PLCD4: variants seen among roughly 807,000 people sequenced by gnomAD.
PLCD4 encodes phospholipase C delta 4.
A neutral mutation model predicts 90.2 loss-of-function variants in PLCD4; 63 were observed. The ratio of observed to expected loss-of-function variants is 0.70; its 90% CI spans 0.57 to 0.86. PLCD4 has a LOEUF of 0.86. PLCD4 is among the 40% of genes least tolerant of loss of function. PLCD4 has a pLI of 0.00. For synonymous variants in PLCD4, 294 were observed against 356.5 expected (o/e 0.82, Z 1.97); for missense variants, 830 against 956.3 (o/e 0.87, Z 1.74).
intron 6 of PLCD4, among the ~76,000 whole-genome samples, chr2:218,627,495 T>C (rs1463496456): frequency 6.6e-6 from 1 of 151,910 alleles, no homozygotes; most frequent in Non-Finnish European, 1.5e-5. Flanking sequence ...GGAAGTTCTA[T>C]TGGATAGCAC....
chr2:218,613,141 G>A (rs1178733677), intron 1 of PLCD4, among the ~76,000 whole-genome samples: 1 of 151,790 alleles, frequency 6.6e-6, no homozygotes, highest in Non-Finnish European at 1.5e-5. Flanking sequence ...CTGTAATCCC[G>A]GCACTTTGGG....
chr2:218,635,254 T>G (rs1039113960), intron 13 of PLCD4, among the ~76,000 whole-genome samples: 2 of 152,008 alleles, frequency 1.3e-5, no homozygotes, highest in Non-Finnish European at 2.9e-5. Context: ...GTCAAGAGTA[T>G]GATCGTGTCT....
chr2:218,619,723 C>A (rs1470706965), intron 4 of PLCD4, among the ~76,000 whole-genome samples: 2 of 152,104 alleles, frequency 1.3e-5, no homozygotes, highest in Non-Finnish European at 2.9e-5. Flanking sequence ...TCACTTGAGG[C>A]AGGCAGATCA....
At chr2:218,628,392 G>A in intron 7 of PLCD4, 162 bp downstream of exon 7, 1 of 650,166 alleles carries the variant, frequency 1.5e-6, no homozygotes. Flanking sequence ...AAGACTGGTG[G>A]GAGAATGGTA....
At chr2:218,627,695 G>C (rs189771672) in intron 6 of PLCD4, among the ~76,000 whole-genome samples, 1 of 151,742 alleles carries the variant, frequency 6.6e-6, no homozygotes, top group African/African-American at 2.4e-5. Context: ...TGTATTTTTA[G>C]TAGAGATGGG....
intron 9 of PLCD4, among the ~76,000 whole-genome samples, chr2:218,631,328 C>G (rs1198059411): frequency 6.6e-6 from 1 of 152,090 alleles, no homozygotes; most frequent in Non-Finnish European, 1.5e-5. Flanking sequence ...CCACACCTGG[C>G]TAGTTTTTGT....
intron 8 of PLCD4, among the ~76,000 whole-genome samples, 158 bp downstream of exon 8, chr2:218,629,821 T>C (rs16859112): frequency 0.05 from 7,607 of 152,236 alleles, 545 homozygotes; most frequent in African/African-American, 0.16. Context: ...TGATTATGAA[T>C]AAGTGTTGGA....
chr2:218,627,127 G>A (rs558295777), intron 6 of PLCD4, among the ~76,000 whole-genome samples: 1 of 151,070 alleles, frequency 6.6e-6, no homozygotes, highest in South Asian at 2.1e-4. Flanking sequence ...CGGGTGTAGT[G>A]GGGGGCGCCT....
At chr2:218,623,097 A>C (rs1695956449) in intron 6 of PLCD4, among the ~76,000 whole-genome samples, 1 of 152,224 alleles carries the variant, frequency 6.6e-6, no homozygotes, top group African/African-American at 2.4e-5. Context: ...TAGACCTCTC[A>C]GGAGGAAGAA....
chr2:218,633,169 T>G lies in PLCD4; in HGVS notation c.1450-436T>G, dbSNP rs1033452823. ...TGACTTACATGACCATTTGCATACCTTGACATATCTGTCTGGATTCATGTA... is the reference window on the plus strand; with the variant it reads ...TGACTTACATGACCATTTGCATACCGTGACATATCTGTCTGGATTCATGTA... On this transcript the variant is annotated intron_variant, in intron 10 of 15. Transcript: ENST00000450993. 6 of 557,916 alleles carry G rather than the reference T, an allele frequency of 1.1e-5. No individual in the cohort carries two copies. In the East Asian group the frequency reaches 1.5e-4, roughly 14 times the overall value. The allele number at this position is 557,916 out of a possible 1,614,324, so 34.6% of individuals were successfully genotyped here. A position where few individuals can be genotyped will look rare whatever the true frequency, so the allele number is the denominator to read the frequency against.
intron 6 of PLCD4, among the ~76,000 whole-genome samples, chr2:218,624,268 A>G (rs76473039): frequency 0.013 from 1,967 of 152,312 alleles, 49 homozygotes; most frequent in African/African-American, 0.045. Context: ...CACTACTTCA[A>G]TGAATGCTTA....
intron 6 of PLCD4, among the ~76,000 whole-genome samples, chr2:218,623,217 T>C (rs560100201): frequency 6.6e-6 from 1 of 152,348 alleles, no homozygotes; most frequent in Admixed American, 6.5e-5. Context: ...CTTGATCCTC[T>C]TTCTTTGGCC....
At chr2:218,633,871 AAGG>A (rs1696542166) in intron 11 of PLCD4, 110 bp downstream of exon 11, 2 of 1,385,092 alleles carry the variant, frequency 1.4e-6, no homozygotes, top group Non-Finnish European at 2.0e-6. Context: ...AGGAGAGATG[AAGG>A]AGTTCAGAAA....
At chr2:218,619,155 A>AT (rs1695761584) in intron 4 of PLCD4, among the ~76,000 whole-genome samples, 1 of 152,208 alleles carries the variant, frequency 6.6e-6, no homozygotes, top group East Asian at 1.9e-4. Flanking sequence ...AGGCTCAGTG[A>AT]TATAAACTCA....
chr2:218,613,025 C>T (rs1025227448), intron 1 of PLCD4, among the ~76,000 whole-genome samples: 3 of 152,180 alleles, frequency 2.0e-5, no homozygotes, highest in Admixed American at 6.5e-5. Flanking sequence ...GGAACACTAA[C>T]TGAATGATTG....
At chr2:218,633,474 C>G (rs778044862) in intron 10 of PLCD4, 131 bp from the exon 11 acceptor site, 3 of 1,086,780 alleles carry the variant, frequency 2.8e-6, no homozygotes, top group East Asian at 2.5e-5. Flanking sequence ...CTTCTCTTGT[C>G]CCGGCAGGTG....
chr2:218,636,878 A>C lies in PLCD4; in HGVS notation c.*301A>C, dbSNP rs944506144. 2.0e-6 allele frequency: 1 copy of C among 489,800 alleles called. No homozygotes were observed. Among genetic ancestry groups the C allele is most frequent in the Admixed American group, 2.3e-5 (1 of 43,484 alleles). The allele number at this position is 489,800 out of a possible 1,614,324, so 30.3% of individuals were successfully genotyped here. Reference sequence around the variant, plus strand: ...GCTGTAGGCTCAATCCCATACCGACATCTACAACTAATCTTTCCCATCAAC... The same window carrying C: ...GCTGTAGGCTCAATCCCATACCGACCTCTACAACTAATCTTTCCCATCAAC... On this transcript the variant is annotated 3_prime_UTR_variant, in exon 16 of 16. Transcript: ENST00000450993.
At chr2:218,614,860 A>C (rs1308914157) in intron 1 of PLCD4, among the ~76,000 whole-genome samples, 2 of 152,222 alleles carry the variant, frequency 1.3e-5, no homozygotes, top group African/African-American at 2.4e-5. Context: ...TGTGAGAATA[A>C]CTATAAAGGA....
chr2:218,623,264 C>A (rs1695961978), intron 6 of PLCD4, among the ~76,000 whole-genome samples: 1 of 152,180 alleles, frequency 6.6e-6, no homozygotes, highest in Non-Finnish European at 1.5e-5. Flanking sequence ...TCCTCTGGTT[C>A]TTCTTCCATG....
Sources: allele counts gnomAD v4.1 joint callset (sites outside exome capture counted in the v4.1 genomes callset), GRCh38; gene constraint gnomAD v4.1.1; transcripts MANE v1.5; gene names NCBI Gene and HGNC (gene_info 2026-07-23, HGNC 2026-07-21).